The following FREM2 variants were observed in gnomAD, a reference collection of about 807,000 sequenced individuals.
FREM2 encodes the protein FRAS1 related extracellular matrix 2.
FREM2 carries 119 observed loss-of-function variants against 219.9 expected under a neutral mutation model. That is an observed-to-expected ratio of 0.54 (90% CI 0.47 to 0.63). The LOEUF is 0.63. FREM2 is among the 30% of genes least tolerant of loss of function. FREM2 has a pLI of 0.00. For missense variants in FREM2, 4,030 were observed against 3,993.6 expected (o/e 1.01, Z -0.25); for synonymous variants, 1,562 against 1,522.8 (o/e 1.03, Z -0.60).
At position 38,848,543 on chromosome 13, in the gene FREM2, G is replaced by A; in HGVS notation, c.6252G>A (p.Leu2084=). 1 of 1,614,010 alleles carries A rather than the reference G, an allele frequency of 6.2e-7. No individual in the cohort carries two copies. The highest frequency in any genetic ancestry group is 8.5e-7 in the Non-Finnish European group (1 of 1,179,944). Residue 2084 remains leucine (L), a synonymous_variant, in exon 8 of 24, where the codon CTG becomes CTA. Transcript: ENST00000280481. ...VNMQPVRVVI[L]DDLGQPALEG... is the part of the protein sequence containing the mutation. Reference sequence around the variant, plus strand: ...TGCAGCCTGTTCGTGTTGTCATTCTGGATGACCTTGGACAACCAGCGCTGG... The same window carrying A: ...TGCAGCCTGTTCGTGTTGTCATTCTAGATGACCTTGGACAACCAGCGCTGG...
intron 16 of FREM2, among the ~76,000 whole-genome samples, chr13:38,867,777 G>A (rs2137929019): frequency 6.6e-6 from 1 of 152,328 alleles, no homozygotes. Flanking sequence ...GAAAGAGAGA[G>A]AGATAATTCA....
At chr13:38,876,941 C>T (rs548013564) in intron 20 of FREM2, among the ~76,000 whole-genome samples, 176 bp from the exon 21 acceptor site, 3 of 152,176 alleles carry the variant, frequency 2.0e-5, no homozygotes, top group Non-Finnish European at 4.4e-5. Context: ...CCAGTTTTGC[C>T]TTCTCAAGGA....
intron 6 of FREM2, among the ~76,000 whole-genome samples, chr13:38,802,549 C>T (rs1322538256): frequency 6.6e-6 from 1 of 152,148 alleles, no homozygotes; most frequent in African/African-American, 2.4e-5. Context: ...CACCCCAGTC[C>T]CACAACAGCC....
intron 6 of FREM2, among the ~76,000 whole-genome samples, chr13:38,797,536 AT>A (rs1446411162): frequency 7.9e-5 from 12 of 151,936 alleles, no homozygotes; most frequent in African/African-American, 2.9e-4. Context: ...GTTTGCAACT[AT>A]TTTCTCCCAT....
chr13:38,787,652 T>C (rs1021573703), intron 6 of FREM2, among the ~76,000 whole-genome samples: 7 of 151,972 alleles, frequency 4.6e-5, no homozygotes, highest in African/African-American at 1.7e-4. Context: ...AGTGTAATGA[T>C]TGAGAAATCT....
chr13:38,792,022 C>A lies in FREM2; in HGVS notation c.6019+7214C>A, dbSNP rs368985322. ...CACTACATCTACCATATACTTAACA[C>A]AAATAATACAAAGATAACCATGAAA... On this transcript the variant is annotated intron_variant, in intron 6 of 23. Coordinates refer to ENST00000280481, the MANE Select transcript of FREM2 (RefSeq NM_207361.6). Among the ~76,000 whole-genome samples the A allele has an allele frequency of 1.1e-3, 160 of 152,230 alleles. 1 individual carries two copies. The highest frequency in any genetic ancestry group is 3.8e-3 in the African/African-American group (158 of 41,540).
Position 38,691,861 on chromosome 13 carries a change from G to A in FREM2, c.4517G>A (p.Ser1506Asn), listed in dbSNP as rs1248404000. 1.9e-6 allele frequency: 3 copies of A among 1,613,994 alleles called. No homozygotes were observed. In the African/African-American group the frequency reaches 4.0e-5, roughly 22 times the overall value. Reference sequence around the variant, plus strand: ...GCTGATGATGAAGTGAAAATGGACAGTTTTGAGTTTCAAGTCACCGATGGA... The same window carrying A: ...GCTGATGATGAAGTGAAAATGGACAATTTTGAGTTTCAAGTCACCGATGGA... ...HTADDEVKMD[S>N]FEFQVTDGRN... Residue 1506 changes from serine to asparagine, a missense_variant, in exon 1 of 24, where the codon AGT (serine) becomes AAT (asparagine). Coordinates refer to ENST00000280481, the MANE Select transcript of FREM2 (RefSeq NM_207361.6).
At chr13:38,702,425 C>T (rs1007057706) in intron 2 of FREM2, among the ~76,000 whole-genome samples, 6 of 151,982 alleles carry the variant, frequency 3.9e-5, no homozygotes, top group Non-Finnish European at 8.8e-5. Flanking sequence ...TTTCAGTTAC[C>T]CCAGTATTTT....
rs9594295 is a variant in FREM2, at chr13:38,820,139, C to T, written c.6020-26434C>T. ...GGATCTTTAGCAAAGCTTATTAGTGCAGTCTCAATCTGGTACTTCAATTGG... is the reference window on the plus strand; with the variant it reads ...GGATCTTTAGCAAAGCTTATTAGTGTAGTCTCAATCTGGTACTTCAATTGG... On this transcript the variant is annotated intron_variant, in intron 6 of 23. Transcript: ENST00000280481. 6.7e-3 allele frequency among the ~76,000 whole-genome samples: 1,022 copies of T among 152,170 alleles called. 7 individuals are homozygous for T. Among genetic ancestry groups the T allele is most frequent in the African/African-American group, 0.022 (906 of 41,506 alleles).
Position 38,689,888 on chromosome 13 carries a change from T to C in FREM2, c.2544T>C (p.Ser848=), listed in dbSNP as rs776956808. The C allele has an allele frequency of 6.2e-7, 1 of 1,613,994 alleles. No homozygotes were observed. The highest frequency in any genetic ancestry group is 2.2e-5 in the East Asian group (1 of 44,864). ...TIQEKGHHIL[S]ETELHVNDVD... Reference sequence around the variant, plus strand: ...AGGAGAAGGGTCACCACATCCTGAGTGAGACAGAGTTGCACGTGAATGATG... The same window carrying C: ...AGGAGAAGGGTCACCACATCCTGAGCGAGACAGAGTTGCACGTGAATGATG... Residue 848 remains serine (S), a synonymous_variant, in exon 1 of 24, where the codon AGT becomes AGC. Coordinates refer to ENST00000280481, the MANE Select transcript of FREM2 (RefSeq NM_207361.6).
chr13:38,718,533 A>C (rs1871099136), intron 2 of FREM2, among the ~76,000 whole-genome samples: 1 of 152,210 alleles, frequency 6.6e-6, no homozygotes, highest in Non-Finnish European at 1.5e-5. Flanking sequence ...ATCCTTATTC[A>C]GAGCATCTAC....
At chr13:38,833,673 T>A (rs1876598105) in intron 6 of FREM2, among the ~76,000 whole-genome samples, 1 of 152,182 alleles carries the variant, frequency 6.6e-6, no homozygotes, top group Non-Finnish European at 1.5e-5. Context: ...ATTTCTTACA[T>A]TTTGAGTCCT....
At chr13:38,695,669 T>C (rs1000004374) in intron 1 of FREM2, among the ~76,000 whole-genome samples, 7 of 152,142 alleles carry the variant, frequency 4.6e-5, no homozygotes, top group Admixed American at 4.6e-4. Context: ...TAAAGATGTG[T>C]AGTCAGCAGA....
At chr13:38,801,578 A>G (rs750935307) in intron 6 of FREM2, among the ~76,000 whole-genome samples, 2 of 152,110 alleles carry the variant, frequency 1.3e-5, no homozygotes, top group Non-Finnish European at 2.9e-5. Flanking sequence ...TGTAATATTC[A>G]TATGATTTTA....
intron 6 of FREM2, among the ~76,000 whole-genome samples, chr13:38,814,225 G>A (rs11618193): frequency 0.39 from 59,895 of 151,944 alleles, 13,621 homozygotes; most frequent in Non-Finnish European, 0.51. Flanking sequence ...GTGAGGTCTT[G>A]TTTTCCTGGA....
chr13:38,692,031 A>G lies in FREM2; in HGVS notation c.4687A>G (p.Thr1563Ala). The change falls in exon 1 of 24, where the codon ACT becomes GCT. Residue 1563 changes from threonine (T) to alanine (A), a missense_variant. This residue lies in a region of FREM2 where 3,102 missense variants were observed against 2,950.7 expected (regional missense o/e 1.05). Coordinates refer to ENST00000280481, the MANE Select transcript of FREM2 (RefSeq NM_207361.6). ...TGAGCTCACTGTCGAAGACAGAGATACTCCTGACAAGCTCCTGAAATTCAC... is the reference window on the plus strand; with the variant it reads ...TGAGCTCACTGTCGAAGACAGAGATGCTCCTGACAAGCTCCTGAAATTCAC... Reference protein sequence around the residue: ...PFELTVEDRDTPDKLLKFTIT... With the variant: ...PFELTVEDRDAPDKLLKFTIT... 6.2e-7 allele frequency: 1 copy of G among 1,614,216 alleles called. No homozygotes were observed. The highest frequency in any genetic ancestry group is 8.5e-7 in the Non-Finnish European group (1 of 1,180,026).
chr13:38,723,080 CA>C (rs1871362110), intron 2 of FREM2, among the ~76,000 whole-genome samples: 1 of 151,048 alleles, frequency 6.6e-6, no homozygotes, highest in African/African-American at 2.5e-5. Context: ...AAAACAAATA[CA>C]AAAATTAGCT....
chr13:38,776,787 GA>G (rs1222770036), intron 4 of FREM2, among the ~76,000 whole-genome samples: 11,511 of 139,586 alleles, frequency 0.082, 1,053 homozygotes, highest in African/African-American at 0.23. Flanking sequence ...CTGCTAAAAA[GA>G]AAAAAAAAAA....
At chr13:38,840,422 CTTTTT>C (rs66970622) in intron 6 of FREM2, among the ~76,000 whole-genome samples, 3 of 132,134 alleles carry the variant, frequency 2.3e-5, no homozygotes, top group East Asian at 2.2e-4. Context: ...GGGATTTCTC[CTTTTT>C]TTTTTTTTTT....
Sources: allele counts gnomAD v4.1 joint callset (sites outside exome capture counted in the v4.1 genomes callset), GRCh38; gene constraint gnomAD v4.1.1; regional missense constraint gnomAD v4.1.1; transcripts MANE v1.5; gene names NCBI Gene and HGNC (gene_info 2026-07-23, HGNC 2026-07-21).